Variants in MNAT1 observed in about 807,000 individuals in gnomAD.
The protein encoded by MNAT1 is CDK-activating kinase assembly factor MAT1.
A neutral mutation model predicts 42.0 loss-of-function variants in MNAT1; 43 were observed. That is an observed-to-expected ratio of 1.02 (90% CI 0.80 to 1.32). MNAT1 has a LOEUF of 1.32. MNAT1 is among the 40% of genes most tolerant of loss of function. MNAT1 has a pLI of 0.00. For missense variants in MNAT1, 306 were observed against 350.4 expected, an observed-to-expected ratio of 0.87 and a Z score of 1.01; for synonymous variants, 118 against 120.0, an observed-to-expected ratio of 0.98 and a Z score of 0.11.
intron 7 of MNAT1, among the ~76,000 whole-genome samples, chr14:60,932,675 A>G (rs921142616): frequency 6.6e-6 from 1 of 152,032 alleles, no homozygotes; most frequent in African/African-American, 2.4e-5. Context: ...ATTCTGCACT[A>G]CTGACATTAA....
In MNAT1 at chr14:60,788,569, G is replaced by A. The variant is rs78236107; in HGVS notation, c.90-7648G>A. Among the ~76,000 whole-genome samples the A allele has an allele frequency of 4.0e-3, 602 of 152,262 alleles. 2 individuals are homozygous for A. Among genetic ancestry groups the A allele is most frequent in the African/African-American group, 0.014 (571 of 41,574 alleles). ...AGACGGCATCTTCCAATAGAAGGAT[G>A]TTTCATCTGCATTGAAAAGTCTGTT... On this transcript the variant is annotated intron_variant, in intron 1 of 7. Transcript: ENST00000261245.
At chr14:60,815,229 T>G (rs919665975) in intron 5 of MNAT1, among the ~76,000 whole-genome samples, 2 of 152,102 alleles carry the variant, frequency 1.3e-5, no homozygotes, top group Non-Finnish European at 2.9e-5. Context: ...TTCCCTTTTT[T>G]TTTTTGAGAT....
At chr14:60,932,941 T>G (rs2035918970) in intron 7 of MNAT1, among the ~76,000 whole-genome samples, 1 of 152,080 alleles carries the variant, frequency 6.6e-6, no homozygotes, top group Non-Finnish European at 1.5e-5. Flanking sequence ...AATAATAATA[T>G]GCAGTACAGT....
chr14:60,808,283 A>G (rs2032439918), intron 3 of MNAT1, 42 bp from the exon 4 acceptor site: 2 of 1,247,606 alleles, frequency 1.6e-6, no homozygotes, highest in East Asian at 5.2e-5. Flanking sequence ...CAAGATTTAT[A>G]TTAAAAATAT....
At chr14:60,762,410 T>A (rs2030638439) in intron 1 of MNAT1, among the ~76,000 whole-genome samples, 1 of 152,110 alleles carries the variant, frequency 6.6e-6, no homozygotes, top group Non-Finnish European at 1.5e-5. Flanking sequence ...CCAGGCACAG[T>A]GGCTCACACC....
At chr14:60,735,014 G>C (rs987555206) in intron 1 of MNAT1, 63 bp downstream of exon 1, 11 of 1,482,394 alleles carry the variant, frequency 7.4e-6, no homozygotes, top group Non-Finnish European at 1.0e-5. Context: ...AGAGGACCGG[G>C]AGATGCTAGG....
intron 7 of MNAT1, among the ~76,000 whole-genome samples, chr14:60,914,420 G>A (rs569897372): frequency 6.6e-6 from 1 of 152,160 alleles, no homozygotes; most frequent in African/African-American, 2.4e-5. Context: ...CATTGCTCAC[G>A]CTGGGAGCTG....
intron 7 of MNAT1, among the ~76,000 whole-genome samples, chr14:60,880,907 T>C (rs1259551830): frequency 6.6e-6 from 1 of 152,198 alleles, no homozygotes; most frequent in East Asian, 1.9e-4. Context: ...AATGCTAAAA[T>C]TGAAGTTTGA....
intron 7 of MNAT1, among the ~76,000 whole-genome samples, chr14:60,924,462 T>G (rs2035725745): frequency 1.3e-5 from 2 of 151,928 alleles, no homozygotes; most frequent in Non-Finnish European, 2.9e-5. Context: ...GGGAAGCATT[T>G]TTTTTTCTAT....
intron 7 of MNAT1, among the ~76,000 whole-genome samples, chr14:60,935,551 C>T (rs6573347): frequency 0.91 from 137,809 of 152,178 alleles, 63,093 homozygotes; most frequent in Non-Finnish European, 0.99. Context: ...CTCTTATTTT[C>T]AGTATTTTAA....
At chr14:60,946,912 C>T (rs146571855) in intron 7 of MNAT1, among the ~76,000 whole-genome samples, 90 of 152,280 alleles carry the variant, frequency 5.9e-4, no homozygotes, top group East Asian at 5.0e-3. Flanking sequence ...GAAGTCCTGG[C>T]TGATTTGATT....
At chr14:60,891,385 T>G (rs2034840190) in intron 7 of MNAT1, among the ~76,000 whole-genome samples, 1 of 152,250 alleles carries the variant, frequency 6.6e-6, no homozygotes, top group Non-Finnish European at 1.5e-5. Context: ...TTAGGTTTAG[T>G]TTGTTCTTCT....
intron 6 of MNAT1, among the ~76,000 whole-genome samples, chr14:60,829,113 T>G (rs2033145672): frequency 6.6e-6 from 1 of 152,122 alleles, no homozygotes; most frequent in South Asian, 2.1e-4. Flanking sequence ...TTCCAGAGGT[T>G]GGTGGAACTG....
chr14:60,861,056 T>C (rs886611429), intron 6 of MNAT1, among the ~76,000 whole-genome samples: 29 of 152,266 alleles, frequency 1.9e-4, no homozygotes, highest in Non-Finnish European at 3.2e-4. Context: ...TGAGGCTTTT[T>C]TTTACATATT....
intron 7 of MNAT1, among the ~76,000 whole-genome samples, chr14:60,883,102 T>G (rs2034587722): frequency 6.6e-6 from 1 of 152,140 alleles, no homozygotes; most frequent in South Asian, 2.1e-4. Flanking sequence ...TACTTACCTA[T>G]TTTTGCTTTA....
chr14:60,818,988 T>C (rs1009444571), intron 6 of MNAT1, 141 bp downstream of exon 6: 12 of 868,532 alleles, frequency 1.4e-5, no homozygotes, highest in African/African-American at 3.4e-5. Flanking sequence ...TCTGGAAATA[T>C]GGATGGGTGC....
intron 1 of MNAT1, among the ~76,000 whole-genome samples, chr14:60,752,926 G>A (rs949539788): frequency 1.3e-5 from 2 of 152,058 alleles, no homozygotes; most frequent in Non-Finnish European, 2.9e-5. Context: ...CACCATGCCC[G>A]ACTAATTTTT....
At chr14:60,926,999 T>C (rs1486160946) in intron 7 of MNAT1, among the ~76,000 whole-genome samples, 1 of 152,184 alleles carries the variant, frequency 6.6e-6, no homozygotes, top group East Asian at 1.9e-4. Context: ...AAAGACCAAA[T>C]ATTAGAACAA....
chr14:60,857,226 T>A (rs560338562), intron 6 of MNAT1, among the ~76,000 whole-genome samples: 2 of 152,358 alleles, frequency 1.3e-5, no homozygotes, highest in South Asian at 4.1e-4. Context: ...ATGAAGGTTG[T>A]TTTCAAAATG....
Sources: allele counts gnomAD v4.1 joint callset (sites outside exome capture counted in the v4.1 genomes callset), GRCh38; gene constraint gnomAD v4.1.1; transcripts MANE v1.5; gene names NCBI Gene and HGNC (gene_info 2026-07-23, HGNC 2026-07-21).